Variants in PCNX2 observed in about 807,000 individuals in gnomAD.
PCNX2 encodes the protein pecanex-like protein 2.
A neutral mutation model predicts 223.8 loss-of-function variants in PCNX2; 168 were observed. That is an observed-to-expected ratio of 0.75 (90% CI 0.66 to 0.85). The LOEUF (loss-of-function observed/expected upper bound fraction) is 0.85, where lower values mean the gene tolerates loss of function less well. Among genes scored for constraint, PCNX2 ranks in the 40% least tolerant of loss-of-function variants. PCNX2 has a pLI of 0.00. For synonymous variants in PCNX2, 1,006 were observed against 1,052.6 expected (o/e 0.96, Z 0.86); for missense variants, 2,507 against 2,675.5 (o/e 0.94, Z 1.39).
At chr1:233,061,768 G>GTT (rs796373121) in intron 23 of PCNX2, among the ~76,000 whole-genome samples, 1 of 151,254 alleles carries the variant, frequency 6.6e-6, no homozygotes, top group African/African-American at 2.4e-5. Flanking sequence ...ATTTGTTTTT[G>GTT]TTTTTTTTGA....
chr1:233,007,805 A>G (rs1045206158), intron 28 of PCNX2, among the ~76,000 whole-genome samples: 3 of 150,498 alleles, frequency 2.0e-5, no homozygotes, highest in African/African-American at 4.9e-5. Flanking sequence ...CTCCCTGAGC[A>G]GTTGGGATTA....
chr1:233,249,358 G>T (rs1322686211), intron 8 of PCNX2, among the ~76,000 whole-genome samples: 1 of 152,202 alleles, frequency 6.6e-6, no homozygotes, highest in Non-Finnish European at 1.5e-5. Flanking sequence ...GGGAATTGCA[G>T]AATAATATGA....
chr1:233,037,925 A>G (rs773693581), intron 25 of PCNX2, among the ~76,000 whole-genome samples: 6 of 152,194 alleles, frequency 3.9e-5, no homozygotes, highest in Non-Finnish European at 5.9e-5. Flanking sequence ...AACACTATGT[A>G]TTTATGTGAC....
At chr1:233,113,369 A>T (rs990760726) in intron 21 of PCNX2, among the ~76,000 whole-genome samples, 3 of 152,324 alleles carry the variant, frequency 2.0e-5, no homozygotes, top group South Asian at 2.1e-4. Flanking sequence ...AGGAAATCTA[A>T]GTAATCCATA....
At chr1:233,118,301 T>C (rs1347593243) in intron 21 of PCNX2, among the ~76,000 whole-genome samples, 1 of 152,114 alleles carries the variant, frequency 6.6e-6, no homozygotes, top group Non-Finnish European at 1.5e-5. Context: ...TTGTATGCCT[T>C]CTTTCTAATG....
At chr1:233,200,341 C>A in intron 13 of PCNX2, 77 bp from the exon 14 acceptor site, 1 of 965,528 alleles carries the variant, frequency 1.0e-6, no homozygotes, top group South Asian at 1.7e-5. Flanking sequence ...TGCTGTCTCT[C>A]TCCCCTTCCA....
At chr1:233,093,884 TG>T (rs894035321) in intron 22 of PCNX2, among the ~76,000 whole-genome samples, 3 of 152,222 alleles carry the variant, frequency 2.0e-5, no homozygotes, top group Admixed American at 1.3e-4. Context: ...ACAATTAGTC[TG>T]TATATCATGA....
Position 233,252,691 on chromosome 1 carries a change from G to A in PCNX2, c.1932C>T (p.Asp644=), listed in dbSNP as rs1250713758. 1.2e-6 allele frequency: 2 copies of A among 1,613,950 alleles called. No homozygotes were observed. The highest frequency in any genetic ancestry group is 2.2e-5 in the East Asian group (1 of 44,876). The change falls in exon 6 of 34, where the codon GAC becomes GAT. Residue 644 remains aspartate, a synonymous_variant. Coordinates refer to ENST00000258229, the MANE Select transcript of PCNX2 (RefSeq NM_014801.4). ...TGCATGCGGGGCCGGTGCTAGTATG[G>A]TCTTGACTTTGCAAATCTGGTTTTC... ...KQGKPDLQSQ[D]HTSTGPACTQ...
intron 33 of PCNX2, 76 bp from the exon 34 acceptor site, chr1:232,984,553 T>C (rs2102770221): frequency 6.7e-7 from 1 of 1,496,198 alleles, no homozygotes; most frequent in Non-Finnish European, 9.1e-7. Context: ...ATCACCCCCA[T>C]CCGTGCTGTG....
chr1:233,063,921 A>G (rs1672496078), intron 23 of PCNX2, among the ~76,000 whole-genome samples: 1 of 152,124 alleles, frequency 6.6e-6, no homozygotes, highest in Non-Finnish European at 1.5e-5. Context: ...TGTCTATTAC[A>G]GTATACATTT....
intron 21 of PCNX2, among the ~76,000 whole-genome samples, chr1:233,098,109 G>A (rs1674283332): frequency 6.6e-6 from 1 of 152,210 alleles, no homozygotes; most frequent in Non-Finnish European, 1.5e-5. Context: ...GCATGAACAA[G>A]ATTACCTCAT....
chr1:233,253,998 TG>T lies in PCNX2; in HGVS notation c.1835-1211del, dbSNP rs1349707026. Among the ~76,000 whole-genome samples, 10 of 152,334 alleles carry T rather than the reference TG, an allele frequency of 6.6e-5. No homozygotes were observed. The highest frequency in any genetic ancestry group is 2.4e-4 in the African/African-American group (10 of 41,584). ...CAGCCTGTGCCTGAGAGAACAGAAT[TG>T]AGCCTGAACCTACAAGTTCTTTCAA... On this transcript the variant is annotated intron_variant, in intron 5 of 33. Coordinates refer to ENST00000258229, the MANE Select transcript of PCNX2 (RefSeq NM_014801.4). This position sits in a 1 kb window ranked among gnomAD's most constrained non-coding sequence, Gnocchi z 4.2.
intron 23 of PCNX2, among the ~76,000 whole-genome samples, chr1:233,062,616 C>T (rs1362173793): frequency 1.3e-5 from 2 of 152,180 alleles, no homozygotes; most frequent in Non-Finnish European, 2.9e-5. Context: ...TTTGTTTGCA[C>T]TTGCCTAATG....
chr1:232,986,570 A>G, intron 32 of PCNX2, 30 bp from the exon 33 acceptor site: 1 of 1,474,546 alleles, frequency 6.8e-7, no homozygotes, highest in South Asian at 1.4e-5. Flanking sequence ...ACAGAGTTGT[A>G]GCGGGTGGGT....
intron 1 of PCNX2, chr1:233,291,808 C>G (rs1359582323): frequency 1.0e-6 from 1 of 984,042 alleles, no homozygotes; most frequent in African/African-American, 1.8e-5. Flanking sequence ...AAATATCTCT[C>G]AAGACTAACC....
chr1:233,246,347 T>G (rs1465911985), intron 8 of PCNX2, among the ~76,000 whole-genome samples: 1 of 152,162 alleles, frequency 6.6e-6, no homozygotes, highest in Non-Finnish European at 1.5e-5. Flanking sequence ...CTTCACCTAT[T>G]TATCACATCT....
chr1:233,030,244 T>A (rs1002936043), intron 25 of PCNX2, among the ~76,000 whole-genome samples: 2 of 152,188 alleles, frequency 1.3e-5, no homozygotes, highest in African/African-American at 4.8e-5. Flanking sequence ...GACATTGTAT[T>A]TTTTTCAGTT....
Position 233,138,681 on chromosome 1 carries a change from C to T in PCNX2, c.3659+1033G>A, listed in dbSNP as rs1676944658. ...TTTTCTAAATCCAGTGAAACTAATTCTCATCTCTGGATTTGAAGTCTAGAA... is the reference window on the plus strand; with the variant it reads ...TTTTCTAAATCCAGTGAAACTAATTTTCATCTCTGGATTTGAAGTCTAGAA... On this transcript the variant is annotated intron_variant, in intron 20 of 33. Transcript: ENST00000258229. 3.3e-5 allele frequency among the ~76,000 whole-genome samples: 5 copies of T among 152,202 alleles called. No individual in the cohort carries two copies. The South Asian group carries it at 1.0e-3, about 31-fold the overall frequency.
intron 21 of PCNX2, among the ~76,000 whole-genome samples, chr1:233,096,728 A>G (rs144550006): frequency 6.6e-6 from 1 of 152,210 alleles, no homozygotes; most frequent in Non-Finnish European, 1.5e-5. Context: ...CACCAAGGCC[A>G]TGATGTGAAA....
Sources: allele counts gnomAD v4.1 joint callset (sites outside exome capture counted in the v4.1 genomes callset), GRCh38; gene constraint gnomAD v4.1.1; non-coding constraint Gnocchi (gnomAD v3.1); transcripts MANE v1.5; gene names NCBI Gene and HGNC (gene_info 2026-07-23, HGNC 2026-07-21).